Variants in LYRM4 observed in about 807,000 individuals in gnomAD.
LYRM4 encodes the protein LYR motif containing 4, also known as LYR motif-containing protein 4.
Under a neutral mutation model 11.7 loss-of-function variants are expected in LYRM4, and 9 were observed. That is an observed-to-expected ratio of 0.77 (90% CI 0.46 to 1.34). The LOEUF (loss-of-function observed/expected upper bound fraction) is 1.34, where lower values mean the gene tolerates loss of function less well. LYRM4 is among the 40% of genes most tolerant of loss of function. The pLI, the probability that LYRM4 is intolerant of heterozygous loss-of-function variation, is 0.00. For missense variants in LYRM4, 133 were observed against 112.5 expected (o/e 1.18, Z -0.82); for synonymous variants, 42 against 40.4 (o/e 1.04, Z -0.15).
chr6:5,118,094 A>ATATATATATATTTTTTTT lies in LYRM4; in HGVS notation c.208-8604_208-8603insAAAAAAAATATATATATA. 5.3e-3 allele frequency among the ~76,000 whole-genome samples: 457 copies of ATATATATATATTTTTTTT among 85,666 alleles called. 4 individuals are homozygous for ATATATATATATTTTTTTT. The highest frequency in any genetic ancestry group is 0.015 in the Admixed American group (120 of 8,214). 56.2% of individuals were successfully genotyped at this position (85,666 alleles called of 152,430 possible). A position where few individuals can be genotyped will look rare whatever the true frequency, so the allele number is the denominator to read the frequency against. On this transcript the variant is annotated intron_variant, in intron 2 of 2. Transcript: ENST00000330636. ...TCACCAAAACAATATATATATATATATTTTTGTTTTGTTTTGTTTTGTTTT... is the reference window on the plus strand; with the variant it reads ...TCACCAAAACAATATATATATATATATATATATATATTTTTTTTTTTTTGTTTTGTTTTGTTTTGTTTT...
chr6:5,150,546 C>T (rs570091988), intron 2 of LYRM4, among the ~76,000 whole-genome samples: 12 of 152,298 alleles, frequency 7.9e-5, no homozygotes, highest in African/African-American at 2.6e-4. Context: ...GTGCCTAGTA[C>T]ACAGTAGGCC....
At chr6:5,256,028 C>T (rs2753243) in intron 1 of LYRM4, among the ~76,000 whole-genome samples, 47,841 of 151,510 alleles carry the variant, frequency 0.32, 9,807 homozygotes, top group African/African-American at 0.59. Flanking sequence ...ACAGTGGTGC[C>T]GACTACAGCC....
chr6:5,077,314 T>C, the LYRM4 span, among the ~76,000 whole-genome samples: 8 of 152,238 alleles, frequency 5.3e-5, no homozygotes, highest in African/African-American at 1.9e-4. Flanking sequence ...CCTAACCTTT[T>C]AGTTCTGCCT....
the LYRM4 span, among the ~76,000 whole-genome samples, chr6:5,057,186 C>G: frequency 6.6e-6 from 1 of 151,664 alleles, no homozygotes; most frequent in South Asian, 2.1e-4. Flanking sequence ...CTCAACCCAA[C>G]CCCCCTTTCC....
intron 2 of LYRM4, among the ~76,000 whole-genome samples, chr6:5,200,567 T>C (rs76281810): frequency 0.024 from 3,683 of 152,276 alleles, 116 homozygotes; most frequent in African/African-American, 0.078. Flanking sequence ...AGAGCAAAGA[T>C]TGAATTTAGA....
chr6:5,076,503 A>G, the LYRM4 span, among the ~76,000 whole-genome samples: 2 of 152,200 alleles, frequency 1.3e-5, no homozygotes, highest in South Asian at 2.1e-4. Context: ...TCTTCCTGTT[A>G]GGACACTCTG....
At chr6:5,086,224 G>T in the LYRM4 span, 2 of 1,535,362 alleles carry the variant, frequency 1.3e-6, no homozygotes, top group Non-Finnish European at 1.7e-6. Flanking sequence ...TGGGCCCAGG[G>T]CCGTGACCGT....
the LYRM4 span, among the ~76,000 whole-genome samples, chr6:5,048,319 G>GTA: frequency 3.3e-5 from 5 of 149,648 alleles, no homozygotes; most frequent in Non-Finnish European, 5.9e-5. Flanking sequence ...GTGTGTGTGT[G>GTA]TGTGTGTGTG....
chr6:5,223,706 A>G (rs1402666400), intron 1 of LYRM4, among the ~76,000 whole-genome samples: 2 of 152,256 alleles, frequency 1.3e-5, no homozygotes, highest in Non-Finnish European at 2.9e-5. Flanking sequence ...TTCAAGGGAA[A>G]GAGCTATTAA....
At chr6:5,211,583 C>T (rs1172222642) in intron 2 of LYRM4, among the ~76,000 whole-genome samples, 2 of 152,160 alleles carry the variant, frequency 1.3e-5, no homozygotes, top group Non-Finnish European at 2.9e-5. Context: ...TAATTTCTTA[C>T]AACTGCAGAT....
intron 1 of LYRM4, among the ~76,000 whole-genome samples, chr6:5,242,672 T>C (rs560882757): frequency 1.0e-3 from 156 of 151,040 alleles, no homozygotes; most frequent in Middle Eastern, 3.5e-3. Context: ...TGAGCCAAGA[T>C]CATTCCATTG....
the LYRM4 span, among the ~76,000 whole-genome samples, chr6:5,095,200 A>C: frequency 2.0e-5 from 3 of 152,228 alleles, no homozygotes; most frequent in African/African-American, 7.2e-5. Flanking sequence ...TGATTCTGGC[A>C]TCTAGTGGTA....
chr6:5,160,989 T>C (rs909681337), intron 2 of LYRM4, among the ~76,000 whole-genome samples: 8 of 152,334 alleles, frequency 5.3e-5, no homozygotes, highest in Admixed American at 3.3e-4. Context: ...GACTTCAGCT[T>C]TCCTTTTCCC....
chr6:5,204,659 C>G (rs1425392840), intron 2 of LYRM4, among the ~76,000 whole-genome samples: 1 of 152,176 alleles, frequency 6.6e-6, no homozygotes, highest in African/African-American at 2.4e-5. Context: ...CCTGCATGCT[C>G]TTTCCCCTTT....
the LYRM4 span, among the ~76,000 whole-genome samples, chr6:5,095,980 AAAAAAAC>A: frequency 8.5e-5 from 13 of 152,100 alleles, no homozygotes; most frequent in Admixed American, 2.6e-4. Context: ...TCTCCATCTC[AAAAAAAC>A]AAAAAACAAA....
At chr6:5,112,379 C>T (rs1051369175) in intron 2 of LYRM4, among the ~76,000 whole-genome samples, 6 of 152,178 alleles carry the variant, frequency 3.9e-5, no homozygotes, top group African/African-American at 9.7e-5. Flanking sequence ...AGCGAGCGAG[C>T]GAAGGAATCT....
At chr6:5,103,791 C>A (rs112393649), downstream of LYRM4, 1 of 151,878 alleles carries the variant, frequency 6.6e-6, no homozygotes, top group Non-Finnish European at 1.5e-5. Flanking sequence ...CCCACTGCCA[C>A]GCCTGGCTAA....
chr6:5,066,005 A>G, the LYRM4 span: 1 of 340,806 alleles, frequency 2.9e-6, no homozygotes, highest in Non-Finnish European at 5.7e-6. Context: ...CTCCCAAAAC[A>G]GTGCTTTCAC....
At chr6:5,097,862 A>C in the LYRM4 span, among the ~76,000 whole-genome samples, 96,805 of 152,130 alleles carry the variant, frequency 0.64, 31,615 homozygotes, top group East Asian at 0.8. Context: ...ATACACTAAT[A>C]TCACTTACAT....
Sources: allele counts gnomAD v4.1 joint callset (sites outside exome capture counted in the v4.1 genomes callset), GRCh38; gene constraint gnomAD v4.1.1; transcripts MANE v1.5; gene names NCBI Gene and HGNC (gene_info 2026-07-23, HGNC 2026-07-21).